The following PTPRB variants were observed in gnomAD, a reference collection of about 807,000 sequenced individuals.
PTPRB encodes the protein protein tyrosine phosphatase receptor type B.
In PTPRB, 97 loss-of-function variants were observed where a neutral mutation model predicts 238.1. That is an observed-to-expected ratio of 0.41 (90% confidence interval 0.35 to 0.48). The LOEUF is 0.48. PTPRB is among the 20% of genes least tolerant of loss of function. The probability of loss-of-function intolerance (pLI) is 0.30; values close to 1 mark genes in which losing one functional copy is unlikely to be tolerated. For missense variants in PTPRB, 2,292 were observed against 2,681.9 expected (o/e 0.85, Z 3.21); for synonymous variants, 970 against 995.4 (o/e 0.97, Z 0.48).
intron 3 of PTPRB, among the ~76,000 whole-genome samples, chr12:70,612,718 G>A (rs559450438): frequency 6.6e-6 from 1 of 152,222 alleles, no homozygotes; most frequent in South Asian, 2.1e-4. Flanking sequence ...CAGGTGCGGT[G>A]GCTCACACCT....
intron 31 of PTPRB, among the ~76,000 whole-genome samples, chr12:70,533,571 G>A (rs1458962764): frequency 6.6e-6 from 1 of 152,202 alleles, no homozygotes; most frequent in African/African-American, 2.4e-5. Flanking sequence ...AAAAAATTAG[G>A]TGCTACAGGT....
intron 4 of PTPRB, among the ~76,000 whole-genome samples, chr12:70,605,520 C>T (rs1311071750): frequency 6.6e-6 from 1 of 152,100 alleles, no homozygotes; most frequent in Non-Finnish European, 1.5e-5. Context: ...AATAAATGCT[C>T]CCTAAAATTT....
Position 70,571,255 on chromosome 12 carries a change from G to C in PTPRB, c.3141C>G (p.Asn1047Lys). 1 of 1,608,488 alleles carries C rather than the reference G, an allele frequency of 6.2e-7. No individual in the cohort carries two copies. The highest frequency in any genetic ancestry group is 8.5e-7 in the Non-Finnish European group (1 of 1,174,924). The change falls in exon 13 of 34, where the codon AAC becomes AAG. Residue 1047 changes from asparagine (N) to lysine (K), a missense_variant. Physicochemically the swap from Asn to Lys is moderately conservative, Grantham distance 94. Coordinates refer to ENST00000334414, the MANE Select transcript of PTPRB (RefSeq NM_001109754.4). ...TCACATGCAAGTCCTCAGTGCTCCT[G>C]TTGCGCAATGTTAGATCCTTAACAG... is the stretch of plus-strand genomic sequence containing the variant. ...PEPVKDLTLRNRSTEDLHVTW... is the reference protein window; with the variant it reads ...PEPVKDLTLRKRSTEDLHVTW...
At chr12:70,604,771 T>C (rs1033602177) in intron 4 of PTPRB, among the ~76,000 whole-genome samples, 27 of 152,180 alleles carry the variant, frequency 1.8e-4, no homozygotes, top group African/African-American at 6.5e-4. Flanking sequence ...GGTGTTCTTA[T>C]GAGAAGACAT....
intron 11 of PTPRB, among the ~76,000 whole-genome samples, chr12:70,572,641 C>T (rs2136383814): frequency 6.6e-6 from 1 of 151,932 alleles, no homozygotes; most frequent in Non-Finnish European, 1.5e-5. Flanking sequence ...TGGTGGTGCA[C>T]ACCTGTAGTT....
chr12:70,557,729 C>T (rs974229481), intron 18 of PTPRB, among the ~76,000 whole-genome samples: 3 of 152,250 alleles, frequency 2.0e-5, no homozygotes, highest in East Asian at 1.9e-4. Context: ...AGAGCCTACA[C>T]ACCCTGTGCT....
chr12:70,620,253 C>T (rs1352860270), intron 3 of PTPRB, among the ~76,000 whole-genome samples: 1 of 152,140 alleles, frequency 6.6e-6, no homozygotes, highest in Non-Finnish European at 1.5e-5. Context: ...AGGTCTGGGG[C>T]TGGATCATGT....
At chr12:70,564,993 T>C (rs1421978626) in intron 15 of PTPRB, among the ~76,000 whole-genome samples, 2 of 151,964 alleles carry the variant, frequency 1.3e-5, no homozygotes, top group Non-Finnish European at 1.5e-5. Context: ...ATCTTTTACT[T>C]ATTTATTTTA....
chr12:70,569,254 C>G (rs986629284), intron 14 of PTPRB, among the ~76,000 whole-genome samples: 1 of 151,948 alleles, frequency 6.6e-6, no homozygotes, highest in Non-Finnish European at 1.5e-5. Context: ...AGGTGTGCAC[C>G]ACCACGCCTG....
chr12:70,592,542 G>C lies in PTPRB; in HGVS notation c.1520C>G (p.Pro507Arg). 1 of 1,613,078 alleles carries C rather than the reference G, an allele frequency of 6.2e-7. No individual in the cohort carries two copies. The highest frequency in any genetic ancestry group is 8.5e-7 in the Non-Finnish European group (1 of 1,179,592). Residue 507 changes from proline (P) to arginine (R), a missense_variant, in exon 7 of 34, where the codon CCC (proline) becomes CGC (arginine). This residue lies in a region of PTPRB where 1,205 missense variants were observed against 1,287.8 expected (regional missense o/e 0.94). Coordinates refer to ENST00000334414, the MANE Select transcript of PTPRB (RefSeq NM_001109754.4). The stretch of plus-strand genomic sequence containing the variant: ...CACCTTCAGATTTGAGACTTCCATG[G>C]GGGCTAATCAGGAAAGAACAGAAAG... ...NYRWKLVRTAPMEVSNLKVTN... is the reference protein window; with the variant it reads ...NYRWKLVRTARMEVSNLKVTN...
At position 70,539,519 on chromosome 12, in the gene PTPRB, C is replaced by G. The variant is rs552744417; in HGVS notation, c.5778+106G>C. 4.6e-6 allele frequency: 4 copies of G among 878,144 alleles called. No homozygotes were observed. In the East Asian group the frequency reaches 1.1e-4, roughly 23 times the overall value. 54.4% of individuals were successfully genotyped at this position (878,144 alleles called of 1,614,324 possible). On this transcript the variant is annotated intron_variant, in intron 26 of 33. Coordinates refer to ENST00000334414, the MANE Select transcript of PTPRB (RefSeq NM_001109754.4). ...GTGCTCAGCTGAGATTCTAAGCAGC[C>G]TCCTAACTTCTGAGCTCAATCAGCC...
intron 5 of PTPRB, among the ~76,000 whole-genome samples, chr12:70,595,174 C>A (rs186460813): frequency 6.6e-6 from 1 of 152,252 alleles, no homozygotes; most frequent in Admixed American, 6.5e-5. Context: ...TGGAAACCAT[C>A]ATTTTCAGCA....
At chr12:70,627,168 T>C (rs1251125619) in intron 2 of PTPRB, among the ~76,000 whole-genome samples, 2 of 152,130 alleles carry the variant, frequency 1.3e-5, no homozygotes, top group African/African-American at 4.8e-5. Context: ...CTATGTTTTC[T>C]TTAGGAGAAA....
intron 3 of PTPRB, among the ~76,000 whole-genome samples, chr12:70,611,146 A>G (rs1226460032): frequency 6.6e-6 from 1 of 152,260 alleles, no homozygotes; most frequent in Non-Finnish European, 1.5e-5. Context: ...TTTTCAAATC[A>G]GCGGGAAGGA....
At chr12:70,632,290 G>A (rs1243445112) in intron 2 of PTPRB, among the ~76,000 whole-genome samples, 3 of 152,264 alleles carry the variant, frequency 2.0e-5, no homozygotes, top group Admixed American at 6.5e-5. Context: ...GGACATGGAT[G>A]AAGCTGGAAA....
chr12:70,593,513 C>CAAAAAAA (rs71437149), intron 6 of PTPRB, among the ~76,000 whole-genome samples: 1 of 36,696 alleles, frequency 2.7e-5, no homozygotes, highest in Non-Finnish European at 4.9e-5. Flanking sequence ...AACTCTGTCT[C>CAAAAAAA]AAAAAAAAAA....
chr12:70,584,960 T>C (rs933334191), intron 9 of PTPRB: 2 of 141,756 alleles, frequency 1.4e-5, no homozygotes, highest in Non-Finnish European at 3.0e-5. Flanking sequence ...AAAAAGAAAT[T>C]TCTTTTTTTT....
Position 70,521,522 on chromosome 12 carries a change from G to A in PTPRB, c.6626-11C>T, listed in dbSNP as rs200444338. 2,224 of 1,538,542 alleles carry A rather than the reference G, an allele frequency of 1.4e-3. 26 individuals carry two copies. The South Asian group carries it at 0.016, about 11-fold the overall frequency. On this transcript the variant is annotated splice_polypyrimidine_tract_variant and intron_variant, in intron 33 of 33. Transcript: ENST00000334414. ...TTGAATAGACTGGATCTGAAAGGAA[G>A]AACACTGTAATTAGAGACTGCCGCA...
intron 7 of PTPRB, among the ~76,000 whole-genome samples, chr12:70,591,092 A>G (rs1211349302): frequency 6.8e-6 from 1 of 148,112 alleles, no homozygotes; most frequent in Non-Finnish European, 1.5e-5. Flanking sequence ...CACCATGCCC[A>G]GCTAATTAAT....
Sources: allele counts gnomAD v4.1 joint callset (sites outside exome capture counted in the v4.1 genomes callset), GRCh38; gene constraint gnomAD v4.1.1; regional missense constraint gnomAD v4.1.1; transcripts MANE v1.5; gene names NCBI Gene and HGNC (gene_info 2026-07-23, HGNC 2026-07-21).